The following ZNF521 variants were observed in gnomAD, a reference collection of about 807,000 sequenced individuals.
ZNF521 encodes LYST-interacting protein 3.
ZNF521 carries 14 observed loss-of-function variants against 105.5 expected under a neutral mutation model. The ratio of observed to expected loss-of-function variants is 0.13; its 90% CI spans 0.09 to 0.21. The LOEUF (loss-of-function observed/expected upper bound fraction) is 0.21. Ranked by LOEUF, ZNF521 falls within the 10% of genes least tolerant of loss-of-function variation. The pLI, the probability that ZNF521 is intolerant of heterozygous loss-of-function variation, is 1.00. For missense variants in ZNF521, 1,233 were observed against 1,629.7 expected (o/e 0.76, Z 4.19); for synonymous variants, 635 against 606.0 (o/e 1.05, Z -0.70).
At chr18:25,126,255 T>G (rs1394056525) in intron 5 of ZNF521, among the ~76,000 whole-genome samples, 1 of 152,236 alleles carries the variant, frequency 6.6e-6, no homozygotes, top group East Asian at 1.9e-4. Context: ...AATATCCTTC[T>G]TTCCTTCTCC....
At chr18:25,294,336 T>C (rs757159683) in intron 3 of ZNF521, among the ~76,000 whole-genome samples, 12 of 152,204 alleles carry the variant, frequency 7.9e-5, no homozygotes, top group African/African-American at 1.9e-4. Context: ...TCAATAAATA[T>C]GCATAAAGCA....
chr18:25,084,179 C>A (rs1440563001), intron 7 of ZNF521, among the ~76,000 whole-genome samples: 1 of 139,840 alleles, frequency 7.2e-6, no homozygotes, highest in Non-Finnish European at 1.7e-5. Context: ...TTAACAAGGA[C>A]TCCTAAAGGC....
intron 5 of ZNF521, among the ~76,000 whole-genome samples, chr18:25,092,957 A>G (rs1435968157): frequency 6.6e-6 from 1 of 152,180 alleles, no homozygotes; most frequent in Non-Finnish European, 1.5e-5. Context: ...TTCATTGTGC[A>G]ATTGTAAGGT....
intron 2 of ZNF521, among the ~76,000 whole-genome samples, chr18:25,333,748 G>A (rs1913721239): frequency 6.6e-6 from 1 of 152,168 alleles, no homozygotes; most frequent in South Asian, 2.1e-4. Context: ...AGAAAACAGG[G>A]ATAATTTCAG....
At chr18:25,081,160 C>T (rs868868060) in intron 7 of ZNF521, among the ~76,000 whole-genome samples, 12 of 152,276 alleles carry the variant, frequency 7.9e-5, no homozygotes, top group Admixed American at 5.2e-4. Context: ...GCAGAACTGG[C>T]CACAGTGCTC....
intron 5 of ZNF521, among the ~76,000 whole-genome samples, chr18:25,142,086 C>G (rs952767814): frequency 2.6e-5 from 4 of 152,132 alleles, no homozygotes; most frequent in Non-Finnish European, 5.9e-5. Flanking sequence ...CCTCCTCCCC[C>G]ATCACACCAA....
chr18:25,104,880 T>C (rs1021539333), intron 5 of ZNF521, among the ~76,000 whole-genome samples: 6 of 152,192 alleles, frequency 3.9e-5, no homozygotes, highest in Admixed American at 3.9e-4. Context: ...TTTCAGCCAA[T>C]TGCAATAATT....
At chr18:25,214,148 T>A (rs1042734372) in intron 4 of ZNF521, among the ~76,000 whole-genome samples, 1 of 152,162 alleles carries the variant, frequency 6.6e-6, no homozygotes, top group African/African-American at 2.4e-5. Context: ...AAGTAACTAC[T>A]CTGACTTTGA....
At chr18:25,276,528 G>A in intron 3 of ZNF521, among the ~76,000 whole-genome samples, 1 of 152,174 alleles carries the variant, frequency 6.6e-6, no homozygotes, top group Non-Finnish European at 1.5e-5. Context: ...TGGAGACAGA[G>A]AAAGAGCTCA....
At chr18:25,193,851 T>G (rs2035858348) in intron 5 of ZNF521, among the ~76,000 whole-genome samples, 1 of 151,894 alleles carries the variant, frequency 6.6e-6, no homozygotes, top group Non-Finnish European at 1.5e-5. Context: ...TGATCAATAT[T>G]TTAGCTGTTA....
At chr18:25,124,848 T>C (rs2034509535) in intron 5 of ZNF521, among the ~76,000 whole-genome samples, 2 of 152,156 alleles carry the variant, frequency 1.3e-5, no homozygotes, top group African/African-American at 4.8e-5. Flanking sequence ...CCATAGGTGT[T>C]AGAAAGATAT....
At chr18:25,065,736 C>A (rs1221323364) in intron 7 of ZNF521, among the ~76,000 whole-genome samples, 1 of 152,004 alleles carries the variant, frequency 6.6e-6, no homozygotes, top group Non-Finnish European at 1.5e-5. Flanking sequence ...TAAAAGAGTA[C>A]ACAGTGCAAT....
intron 5 of ZNF521, chr18:25,136,667 C>A (rs2034740094): frequency 1.3e-5 from 2 of 152,220 alleles, no homozygotes; most frequent in Non-Finnish European, 2.9e-5. Context: ...AATCACTAGG[C>A]TACGCTGTCT....
intron 3 of ZNF521, among the ~76,000 whole-genome samples, chr18:25,240,711 T>C (rs1600199797): frequency 2.0e-5 from 3 of 152,160 alleles, no homozygotes; most frequent in Admixed American, 2.0e-4. Context: ...AATTACATAC[T>C]GGATCCATCC....
chr18:25,234,458 C>T (rs1466118697), intron 3 of ZNF521, among the ~76,000 whole-genome samples: 2 of 152,134 alleles, frequency 1.3e-5, no homozygotes, highest in African/African-American at 4.8e-5. Context: ...TTGATTTAAT[C>T]AACTTTTATT....
chr18:25,166,372 A>T lies in ZNF521; in HGVS notation c.3658+28788T>A, dbSNP rs527757304. 4.6e-5 allele frequency among the ~76,000 whole-genome samples: 7 copies of T among 152,338 alleles called. No homozygotes were observed. In the East Asian group the frequency reaches 1.2e-3, roughly 25 times the overall value. On this transcript the variant is annotated intron_variant, in intron 5 of 7. Coordinates refer to ENST00000361524, the MANE Select transcript of ZNF521 (RefSeq NM_015461.3). The stretch of plus-strand genomic sequence containing the variant: ...TGAGTAAATTTGAAATTCACTAGAT[A>T]AATAGAATTTGCCTCAATGTGTGGG...
At chr18:25,265,053 T>C (rs1291272943) in intron 3 of ZNF521, among the ~76,000 whole-genome samples, 2 of 152,214 alleles carry the variant, frequency 1.3e-5, no homozygotes, top group Non-Finnish European at 2.9e-5. Context: ...CTATTATTAT[T>C]TGATTTTAAT....
intron 5 of ZNF521, among the ~76,000 whole-genome samples, chr18:25,154,827 T>C (rs1394759020): frequency 6.6e-6 from 1 of 152,220 alleles, no homozygotes; most frequent in Non-Finnish European, 1.5e-5. Context: ...ATATTTTGGC[T>C]ATTGTGAATA....
chr18:25,098,274 G>A (rs1245014273), intron 5 of ZNF521, among the ~76,000 whole-genome samples: 1 of 152,044 alleles, frequency 6.6e-6, no homozygotes, highest in Non-Finnish European at 1.5e-5. Flanking sequence ...TAGGGAATGG[G>A]GATAAGCACA....
Sources: allele counts gnomAD v4.1 joint callset (sites outside exome capture counted in the v4.1 genomes callset), GRCh38; gene constraint gnomAD v4.1.1; transcripts MANE v1.5; gene names NCBI Gene and HGNC (gene_info 2026-07-23, HGNC 2026-07-21).